Variants in CCDC85A observed in about 807,000 individuals in gnomAD.
CCDC85A encodes the protein coiled-coil domain containing 85A.
CCDC85A carries 38 observed loss-of-function variants against 50.2 expected under a neutral mutation model. That is an observed-to-expected ratio of 0.76 (90% confidence interval 0.58 to 0.99). The LOEUF is 0.99. Among genes scored for constraint, CCDC85A ranks in the 50% least tolerant of loss-of-function variants. CCDC85A has a pLI of 0.00. For synonymous variants in CCDC85A, 366 were observed against 301.4 expected (o/e 1.21, Z -2.22); for missense variants, 820 against 742.0 (o/e 1.11, Z -1.22).
chr2:56,288,908 G>A (rs78848155), intron 2 of CCDC85A, among the ~76,000 whole-genome samples: 1,574 of 152,222 alleles, frequency 0.01, 27 homozygotes, highest in African/African-American at 0.034. Flanking sequence ...GCAGTGAAGT[G>A]ATAATTATTT....
At chr2:56,232,094 A>T (rs557267173) in intron 2 of CCDC85A, among the ~76,000 whole-genome samples, 16 of 152,088 alleles carry the variant, frequency 1.1e-4, no homozygotes, top group Admixed American at 1.0e-3. Context: ...CATTTTACAT[A>T]ATTTCTTCTG....
chr2:56,272,042 AT>A (rs1670723247), intron 2 of CCDC85A, among the ~76,000 whole-genome samples: 1 of 152,166 alleles, frequency 6.6e-6, no homozygotes, highest in Non-Finnish European at 1.5e-5. Context: ...CTCAGCTCTG[AT>A]TGTGAGACTA....
At chr2:56,317,145 A>G (rs1293154129) in intron 2 of CCDC85A, among the ~76,000 whole-genome samples, 1 of 152,150 alleles carries the variant, frequency 6.6e-6, no homozygotes, top group Admixed American at 6.6e-5. Flanking sequence ...TGTATTTCTC[A>G]TAGCCAAGTC....
At chr2:56,188,059 T>A (rs1676129231) in intron 1 of CCDC85A, among the ~76,000 whole-genome samples, 1 of 152,258 alleles carries the variant, frequency 6.6e-6, no homozygotes, top group South Asian at 2.1e-4. Context: ...AGGCATAAGA[T>A]TGAAATTTTG....
At chr2:56,276,536 C>T (rs1222157626) in intron 2 of CCDC85A, among the ~76,000 whole-genome samples, 1 of 152,066 alleles carries the variant, frequency 6.6e-6, no homozygotes, top group Non-Finnish European at 1.5e-5. Context: ...CTGATGGTTT[C>T]ATGAGGGGAA....
At chr2:56,334,896 C>T (rs991494267) in intron 2 of CCDC85A, among the ~76,000 whole-genome samples, 8 of 152,062 alleles carry the variant, frequency 5.3e-5, no homozygotes, top group African/African-American at 1.9e-4. Context: ...GGAAGAGGAA[C>T]TAACTGTCAT....
chr2:56,186,511 G>C (rs1266372755), intron 1 of CCDC85A, among the ~76,000 whole-genome samples: 1 of 152,198 alleles, frequency 6.6e-6, no homozygotes, highest in Non-Finnish European at 1.5e-5. Context: ...ACAAATCTAT[G>C]GCTGTGTGTC....
Position 56,184,636 on chromosome 2 carries a change from G to T in CCDC85A, c.12G>T (p.Ala4=). 1 of 1,431,548 alleles carries T rather than the reference G, an allele frequency of 7.0e-7. No individual in the cohort carries two copies. The highest frequency in any genetic ancestry group is 9.0e-7 in the Non-Finnish European group (1 of 1,106,418). The allele number at this position is 1,431,548 out of a possible 1,614,324, so 88.7% of individuals were successfully genotyped here. The change falls in exon 1 of 6, where the codon GCG becomes GCT. Residue 4 remains alanine, a synonymous_variant. Coordinates refer to ENST00000407595, the MANE Select transcript of CCDC85A (RefSeq NM_001080433.2). ...ACCCCGCGGATACCATGTCGAAGGC[G>T]GCCGGAGGCGCGGCGGCGGCTGCGG... The part of the protein sequence containing the change: MSK[A]AGGAAAAAAA...
chr2:56,217,658 T>C (rs1007796968), intron 2 of CCDC85A, among the ~76,000 whole-genome samples: 1 of 151,800 alleles, frequency 6.6e-6, no homozygotes, highest in Non-Finnish European at 1.5e-5. Flanking sequence ...TCTAAAGGCA[T>C]AAATATCTGG....
chr2:56,249,248 G>T (rs1376880689), intron 2 of CCDC85A, among the ~76,000 whole-genome samples: 3 of 152,240 alleles, frequency 2.0e-5, no homozygotes, highest in African/African-American at 7.2e-5. Flanking sequence ...CATGAGCTCT[G>T]CCTTAGGCAG....
chr2:56,361,864 T>C (rs1675542015), intron 3 of CCDC85A, among the ~76,000 whole-genome samples: 1 of 152,126 alleles, frequency 6.6e-6, no homozygotes, highest in Non-Finnish European at 1.5e-5. Flanking sequence ...CCATGTTGGG[T>C]AAACACGAGA....
chr2:56,277,022 G>A (rs1368653743), intron 2 of CCDC85A, among the ~76,000 whole-genome samples: 1 of 152,196 alleles, frequency 6.6e-6, no homozygotes, highest in African/African-American at 2.4e-5. Flanking sequence ...GAACAGGCCA[G>A]CTCTAAACTG....
In CCDC85A at chr2:56,310,639, C is replaced by T. The variant is rs559013158; in HGVS notation, c.1241-32240C>T. On this transcript the variant is annotated intron_variant, in intron 2 of 5. Transcript: ENST00000407595. ...TTGAGAATGCCCATTTAAAGATGTGCCCCACAGATGACAAAAGAAAAATGG... is the reference window on the plus strand; with the variant it reads ...TTGAGAATGCCCATTTAAAGATGTGTCCCACAGATGACAAAAGAAAAATGG... 9.9e-5 allele frequency among the ~76,000 whole-genome samples: 15 copies of T among 152,212 alleles called. No homozygotes were observed. The South Asian group carries it at 3.1e-3, about 32-fold the overall frequency.
intron 2 of CCDC85A, among the ~76,000 whole-genome samples, chr2:56,287,375 A>G (rs2104127804): frequency 6.6e-6 from 1 of 152,298 alleles, no homozygotes; most frequent in South Asian, 2.1e-4. Context: ...TTCCTTTGCC[A>G]CAGTCTGGAA....
intron 2 of CCDC85A, among the ~76,000 whole-genome samples, chr2:56,319,305 A>G (rs1673059222): frequency 6.6e-6 from 1 of 152,098 alleles, no homozygotes; most frequent in African/African-American, 2.4e-5. Context: ...CAGAGTACAT[A>G]CTGGAGCCAG....
intron 2 of CCDC85A, among the ~76,000 whole-genome samples, chr2:56,229,024 T>C (rs1668667633): frequency 6.6e-6 from 1 of 152,234 alleles, no homozygotes; most frequent in Non-Finnish European, 1.5e-5. Context: ...CAAAGTCTTC[T>C]GAAGATCCTT....
chr2:56,371,437 C>CTT (rs1293477736), intron 3 of CCDC85A, among the ~76,000 whole-genome samples: 4 of 152,052 alleles, frequency 2.6e-5, no homozygotes, highest in Admixed American at 2.0e-4. Flanking sequence ...TATTTTCAGT[C>CTT]TTCTAAAGTC....
chr2:56,324,039 G>A (rs1015108298), intron 2 of CCDC85A, among the ~76,000 whole-genome samples: 4 of 152,088 alleles, frequency 2.6e-5, no homozygotes, highest in East Asian at 1.9e-4. Context: ...ATTTACAGGG[G>A]CCATGGGCCT....
chr2:56,371,824 C>T (rs537793892), intron 3 of CCDC85A, among the ~76,000 whole-genome samples: 1 of 152,062 alleles, frequency 6.6e-6, no homozygotes, highest in Non-Finnish European at 1.5e-5. Context: ...TAGCTCATTA[C>T]ATTCTCTTCA....
Sources: allele counts gnomAD v4.1 joint callset (sites outside exome capture counted in the v4.1 genomes callset), GRCh38; gene constraint gnomAD v4.1.1; transcripts MANE v1.5; gene names NCBI Gene and HGNC (gene_info 2026-07-23, HGNC 2026-07-21).